SPTBN1: variants seen among roughly 807,000 people sequenced by gnomAD.
SPTBN1 encodes the protein spectrin beta chain, non-erythrocytic 1.
SPTBN1 carries 32 observed loss-of-function variants against 266.4 expected under a neutral mutation model. The ratio of observed to expected loss-of-function variants is 0.12; its 90% confidence interval spans 0.09 to 0.16. The LOEUF is 0.16. Ranked by LOEUF, SPTBN1 falls within the 10% of genes least tolerant of loss-of-function variation. The probability of loss-of-function intolerance (pLI) is 1.00; values close to 1 mark genes in which losing one functional copy is unlikely to be tolerated. For synonymous variants in SPTBN1, 1,336 were observed against 1,162.2 expected (o/e 1.15, Z -3.04); for missense variants, 2,296 against 3,067.1 (o/e 0.75, Z 5.94).
chr2:54,656,023 C>T (rs1311063370), intron 29 of SPTBN1, 25 bp downstream of exon 29: 2 of 1,577,826 alleles, frequency 1.3e-6, no homozygotes, highest in East Asian at 2.3e-5. Flanking sequence ...TATCTTTCTG[C>T]TCTTTTGGGT....
intron 2 of SPTBN1, among the ~76,000 whole-genome samples, chr2:54,574,388 T>C (rs62134679): frequency 0.15 from 22,273 of 152,158 alleles, 1,701 homozygotes; most frequent in Middle Eastern, 0.25. Flanking sequence ...TGGGATCATT[T>C]AGGTGTGGCA....
At chr2:54,483,342 A>G (rs576353649) in intron 1 of SPTBN1, among the ~76,000 whole-genome samples, 2 of 152,218 alleles carry the variant, frequency 1.3e-5, no homozygotes, top group Non-Finnish European at 2.9e-5. Flanking sequence ...GTTTGTTCAG[A>G]CATAGCACAT....
intron 24 of SPTBN1, among the ~76,000 whole-genome samples, chr2:54,648,265 T>C (rs1452419914): frequency 6.6e-6 from 1 of 152,222 alleles, no homozygotes; most frequent in Non-Finnish European, 1.5e-5. Context: ...ATGTTCATGA[T>C]CAGGATTCCC....
chr2:54,552,405 C>T (rs1278096370), intron 2 of SPTBN1, among the ~76,000 whole-genome samples: 1 of 151,922 alleles, frequency 6.6e-6, no homozygotes, highest in African/African-American at 2.4e-5. Context: ...TTTTTAGGCA[C>T]AGAGAACCAA....
At chr2:54,461,513 G>C (rs1693368865) in intron 1 of SPTBN1, among the ~76,000 whole-genome samples, 2 of 152,230 alleles carry the variant, frequency 1.3e-5, no homozygotes. Flanking sequence ...ATCAGCCTTA[G>C]TAGAGAATGT....
chr2:54,478,872 A>G (rs542954212), intron 1 of SPTBN1, among the ~76,000 whole-genome samples: 2 of 152,152 alleles, frequency 1.3e-5, no homozygotes, highest in East Asian at 3.9e-4. Context: ...AGATAAAAAA[A>G]GATGTATGTA....
In SPTBN1 at chr2:54,618,204, A is replaced by G; in HGVS notation, c.763+11A>G. The stretch of plus-strand genomic sequence containing the variant: ...TGTTGGACCCCGAAGGTAGGGACTC[A>G]AGGGATTACAGGTGGGATTTTTAGC... On this transcript the variant is annotated intron_variant, in intron 7 of 35. Transcript: ENST00000356805. 1.2e-6 allele frequency: 2 copies of G among 1,609,664 alleles called. No individual in the cohort carries two copies. Among genetic ancestry groups the G allele is most frequent in the South Asian group, 1.1e-5 (1 of 90,994 alleles).
intron 3 of SPTBN1, among the ~76,000 whole-genome samples, chr2:54,607,651 A>G (rs139302881): frequency 6.6e-6 from 1 of 152,230 alleles, no homozygotes; most frequent in African/African-American, 2.4e-5. Flanking sequence ...TTTAAAGTAG[A>G]TGGGAGGATG....
At chr2:54,574,032 A>C (rs572395811) in intron 2 of SPTBN1, among the ~76,000 whole-genome samples, 1 of 152,074 alleles carries the variant, frequency 6.6e-6, no homozygotes, top group Non-Finnish European at 1.5e-5. Context: ...TAAATCTAAG[A>C]AATTTTTGTG....
chr2:54,536,689 C>T (rs1294155695), intron 2 of SPTBN1, among the ~76,000 whole-genome samples: 2 of 152,138 alleles, frequency 1.3e-5, no homozygotes, highest in African/African-American at 2.4e-5. Context: ...AATACAGATT[C>T]ACTTGAGTTC....
chr2:54,627,971 G>C, intron 12 of SPTBN1, 126 bp from the exon 13 acceptor site: 1 of 1,080,348 alleles, frequency 9.3e-7, no homozygotes, highest in Non-Finnish European at 1.3e-6. Flanking sequence ...CTGAAGGTGT[G>C]GGGTCCATGG....
At chr2:54,644,147 G>A (rs759006695) in intron 19 of SPTBN1, among the ~76,000 whole-genome samples, 176 bp from the exon 20 acceptor site, 2 of 152,132 alleles carry the variant, frequency 1.3e-5, no homozygotes, top group African/African-American at 2.4e-5. Context: ...CCCTTGTAAT[G>A]TACACAACCT....
intron 2 of SPTBN1, among the ~76,000 whole-genome samples, chr2:54,569,549 T>G (rs867500303): frequency 4.6e-5 from 7 of 152,184 alleles, no homozygotes; most frequent in South Asian, 2.1e-4. Context: ...AGACGAGTTT[T>G]GTCTTGGCTT....
At chr2:54,529,029 G>A (rs1671025713) in intron 2 of SPTBN1, among the ~76,000 whole-genome samples, 1 of 152,204 alleles carries the variant, frequency 6.6e-6, no homozygotes, top group South Asian at 2.1e-4. Flanking sequence ...AAAACTATAT[G>A]CTGATAGCAG....
At chr2:54,668,294 A>C (rs936148589) in intron 35 of SPTBN1, 57 bp from the exon 36 acceptor site, 6 of 1,567,944 alleles carry the variant, frequency 3.8e-6, no homozygotes, top group Non-Finnish European at 4.4e-6. Context: ...CCTTGGAGCC[A>C]GAACCCCTCA....
At chr2:54,494,236 C>T (rs1157632159) in intron 1 of SPTBN1, among the ~76,000 whole-genome samples, 1 of 152,140 alleles carries the variant, frequency 6.6e-6, no homozygotes, top group African/African-American at 2.4e-5. Context: ...GACTCATCAT[C>T]CCTTTTAAAA....
intron 1 of SPTBN1, among the ~76,000 whole-genome samples, chr2:54,502,992 A>G (rs561751303): frequency 1.3e-5 from 2 of 152,332 alleles, no homozygotes; most frequent in East Asian, 3.9e-4. Flanking sequence ...TCATGAGGAA[A>G]GGAGAACTAC....
chr2:54,466,034 T>C (rs1321247129), intron 1 of SPTBN1, among the ~76,000 whole-genome samples: 1 of 152,214 alleles, frequency 6.6e-6, no homozygotes, highest in Non-Finnish European at 1.5e-5. Flanking sequence ...TCAAGATTGC[T>C]TTAAAACTGA....
Position 54,669,149 on chromosome 2 carries a change from C to T in SPTBN1, c.*580C>T, listed in dbSNP as rs1681580219. ...TCACTTACTAACACACGACATGCGG[C>T]TTTTCTGCATCAACTGCTATGACGG... On this transcript the variant is annotated 3_prime_UTR_variant, in exon 36 of 36. Transcript: ENST00000356805. The T allele has an allele frequency of 6.6e-6, 1 of 152,628 alleles. No individual in the cohort carries two copies. Among genetic ancestry groups the T allele is most frequent in the East Asian group, 1.9e-4 (1 of 5,192 alleles). The allele number at this position is 152,628 out of a possible 1,614,324, so 9.5% of individuals were successfully genotyped here. A position where few individuals can be genotyped will look rare whatever the true frequency, so the allele number is the denominator to read the frequency against.
Sources: allele counts gnomAD v4.1 joint callset (sites outside exome capture counted in the v4.1 genomes callset), GRCh38; gene constraint gnomAD v4.1.1; transcripts MANE v1.5; gene names NCBI Gene and HGNC (gene_info 2026-07-23, HGNC 2026-07-21).